MYT1L: variants seen among roughly 807,000 people sequenced by gnomAD.
MYT1L encodes myelin transcription factor 1-like protein.
MYT1L carries 12 observed loss-of-function variants against 126.7 expected under a neutral mutation model. The observed-to-expected ratio is 0.09, with a 90% CI of 0.06 to 0.15. The LOEUF is 0.15. MYT1L is among the 10% of genes least tolerant of loss of function. The pLI is 1.00. For synonymous variants in MYT1L, 541 were observed against 604.2 expected, an observed-to-expected ratio of 0.90 and a Z score of 1.53; for missense variants, 979 against 1,585.2, an observed-to-expected ratio of 0.62 and a Z score of 6.49.
At chr2:1,902,835 C>A in intron 14 of MYT1L, 1 of 514,638 alleles carries the variant, frequency 1.9e-6, no homozygotes. Flanking sequence ...CACGAGCAGC[C>A]GAGTGCGCTG....
chr2:2,315,330 G>GTAAGCATTAAA (rs1441325602), intron 1 of MYT1L, among the ~76,000 whole-genome samples: 1 of 143,878 alleles, frequency 7.0e-6, no homozygotes. Flanking sequence ...GGCAGCCAAA[G>GTAAGCATTAAA]TAAGCATTAA....
chr2:2,069,148 G>A (rs2074281910), intron 3 of MYT1L, among the ~76,000 whole-genome samples: 2 of 151,984 alleles, frequency 1.3e-5, no homozygotes, highest in South Asian at 2.1e-4. Flanking sequence ...AGGCATACAT[G>A]TGCCATGGTG....
intron 1 of MYT1L, among the ~76,000 whole-genome samples, chr2:2,315,569 CTAAG>C (rs1037572301): frequency 6.6e-6 from 1 of 152,148 alleles, no homozygotes; most frequent in Non-Finnish European, 1.5e-5. Context: ...ACTGTACCCA[CTAAG>C]TATTAGCCAT....
intron 9 of MYT1L, among the ~76,000 whole-genome samples, chr2:1,930,117 C>T (rs1235941157): frequency 6.6e-6 from 1 of 152,190 alleles, no homozygotes; most frequent in Non-Finnish European, 1.5e-5. Flanking sequence ...TCCTCAGACC[C>T]CTAATTTGAG....
At chr2:2,201,196 A>G (rs1298740831) in intron 2 of MYT1L, among the ~76,000 whole-genome samples, 2 of 152,210 alleles carry the variant, frequency 1.3e-5, no homozygotes, top group African/African-American at 2.4e-5. Flanking sequence ...CTAAGCAGTT[A>G]TATCAGCTGC....
chr2:2,050,862 C>T (rs2150080852), intron 4 of MYT1L, among the ~76,000 whole-genome samples: 1 of 152,184 alleles, frequency 6.6e-6, no homozygotes, highest in Middle Eastern at 3.4e-3. Context: ...GAGGGTAGGA[C>T]TAGCAGAACA....
chr2:1,979,397 A>G lies in MYT1L; in HGVS notation c.89+124T>C, dbSNP rs531785928. The G allele has an allele frequency of 5.1e-5, 58 of 1,141,212 alleles. No homozygotes were observed. In the African/African-American group the frequency reaches 8.7e-4, roughly 17 times the overall value. The allele number at this position is 1,141,212 out of a possible 1,614,324, so 70.7% of individuals were successfully genotyped here. On this transcript the variant is annotated intron_variant, in intron 7 of 24. Coordinates refer to ENST00000647738, the MANE Select transcript of MYT1L (RefSeq NM_001303052.2). This position sits in a 1 kb window ranked among gnomAD's most constrained non-coding sequence, Gnocchi z 4.0. The stretch of plus-strand genomic sequence containing the variant: ...TTTACGAGCAAGTCTCGGGGGAATT[A>G]ATTTCATCAGTGCAGCAGGGCGTGA...
chr2:2,301,893 C>T (rs983518310), intron 1 of MYT1L, among the ~76,000 whole-genome samples: 19 of 150,588 alleles, frequency 1.3e-4, no homozygotes, highest in African/African-American at 4.1e-4. Context: ...CTACTGGGCC[C>T]AAATATTAAG....
chr2:1,909,310 C>T (rs1009136514), intron 13 of MYT1L, among the ~76,000 whole-genome samples: 3 of 151,996 alleles, frequency 2.0e-5, no homozygotes, highest in African/African-American at 7.3e-5. Flanking sequence ...GTATTATTGC[C>T]CTCTCTTTAA....
chr2:2,217,770 C>T (rs58703931), intron 2 of MYT1L, among the ~76,000 whole-genome samples: 24,488 of 148,316 alleles, frequency 0.17, 2,513 homozygotes, highest in African/African-American at 0.28. Flanking sequence ...CATTAATAGA[C>T]TCTGAAAAAT....
At chr2:2,039,462 TC>T (rs2150000766) in intron 4 of MYT1L, among the ~76,000 whole-genome samples, 2 of 152,286 alleles carry the variant, frequency 1.3e-5, no homozygotes, top group East Asian at 3.9e-4. Context: ...AATCTTCAGT[TC>T]AATAAATTAG....
At chr2:1,804,286 A>G (rs1024464576) in intron 22 of MYT1L, among the ~76,000 whole-genome samples, 4 of 152,100 alleles carry the variant, frequency 2.6e-5, no homozygotes, top group African/African-American at 7.2e-5. Flanking sequence ...ACACCCGGCT[A>G]ATTTTTGGTA....
chr2:2,309,023 CT>C (rs1011248217), intron 1 of MYT1L, among the ~76,000 whole-genome samples: 53 of 152,004 alleles, frequency 3.5e-4, no homozygotes, highest in African/African-American at 1.2e-3. Context: ...TATACTACCC[CT>C]GTCCTTCAGT....
chr2:2,295,767 C>T (rs1318175178), intron 1 of MYT1L, among the ~76,000 whole-genome samples: 18 of 16,810 alleles, frequency 1.1e-3, no homozygotes, highest in African/African-American at 2.4e-3. Context: ...GACAGACAGA[C>T]AGAGAGAGAG....
intron 8 of MYT1L, among the ~76,000 whole-genome samples, chr2:1,948,946 A>G (rs2057485656): frequency 7.1e-6 from 1 of 140,776 alleles, no homozygotes; most frequent in East Asian, 2.1e-4. Context: ...TATCTTTAGG[A>G]TATTTTTAGG....
intron 2 of MYT1L, among the ~76,000 whole-genome samples, chr2:2,237,810 G>A (rs1430485262): frequency 6.6e-6 from 1 of 152,226 alleles, no homozygotes; most frequent in Non-Finnish European, 1.5e-5. Flanking sequence ...GATGGCATCT[G>A]CACCTGGGTT....
At chr2:2,247,281 CA>C (rs11402431) in intron 2 of MYT1L, among the ~76,000 whole-genome samples, 1 of 151,766 alleles carries the variant, frequency 6.6e-6, no homozygotes, top group Non-Finnish European at 1.5e-5. Context: ...CTGTAAGAGA[CA>C]AAAAAGATCA....
At chr2:2,285,281 C>T (rs762710220) in intron 1 of MYT1L, among the ~76,000 whole-genome samples, 19 of 152,062 alleles carry the variant, frequency 1.2e-4, no homozygotes, top group African/African-American at 2.7e-4. Context: ...GGACCTCAAA[C>T]GCAGCTTGCC....
At chr2:2,278,616 A>G (rs1457299311) in intron 2 of MYT1L, among the ~76,000 whole-genome samples, 1 of 152,354 alleles carries the variant, frequency 6.6e-6, no homozygotes, top group African/African-American at 2.4e-5. Flanking sequence ...CATATCTAAC[A>G]TATTAGAACT....
Sources: gnomAD v4.1 joint callset for allele counts (sites outside exome capture counted in the v4.1 genomes callset) on GRCh38, gnomAD v4.1.1 for gene constraint, Gnocchi (gnomAD v3.1) non-coding constraint, MANE v1.5 for transcripts, NCBI Gene and HGNC (gene_info 2026-07-23, HGNC 2026-07-21) for gene names.